CBLL1: variants seen among roughly 807,000 people sequenced by gnomAD.
The protein encoded by CBLL1 is Cbl proto-oncogene like 1, also known as E3 ubiquitin-protein ligase Hakai.
Under a neutral mutation model 44.9 loss-of-function variants are expected in CBLL1, and 4 were observed. The observed-to-expected ratio is 0.09, with a 90% confidence interval of 0.04 to 0.20. CBLL1 has a LOEUF of 0.20. CBLL1 is among the 10% of genes least tolerant of loss of function. The pLI is 1.00. For synonymous variants in CBLL1, 235 were observed against 202.2 expected (o/e 1.16, Z -1.38); for missense variants, 569 against 636.7 (o/e 0.89, Z 1.14).
Position 107,758,118 on chromosome 7 carries a change from CA to C in CBLL1, c.441-24del. ...TTTTTTGTATTCTCTTTTAGTAAATCACATTTCTTTCCCTTCTAATTTAGCT... is the reference window on the plus strand; with the variant it reads ...TTTTTTGTATTCTCTTTTAGTAAATCCATTTCTTTCCCTTCTAATTTAGCT... On this transcript the variant is annotated intron_variant, in intron 5 of 5. Transcript: ENST00000440859. The surrounding 1 kb of genome is among the most constrained non-coding windows in gnomAD (Gnocchi z 4.2). 6 of 1,532,110 alleles carry C rather than the reference CA, an allele frequency of 3.9e-6. No homozygotes were observed. Among genetic ancestry groups the C allele is most frequent in the Non-Finnish European group, 5.3e-6 (6 of 1,138,696 alleles). The allele number at this position is 1,532,110 out of a possible 1,614,324, so 94.9% of individuals were successfully genotyped here.
rs753466203 is a variant in CBLL1, at chr7:107,761,295, A to C, written c.*2117A>C. The C allele has an allele frequency of 1.3e-5, 2 of 152,184 alleles. No individual in the cohort carries two copies. The highest frequency in any genetic ancestry group is 2.9e-5 in the Non-Finnish European group (2 of 67,916). 9.4% of individuals were successfully genotyped at this position (152,184 alleles called of 1,614,324 possible). On this transcript the variant is annotated 3_prime_UTR_variant, in exon 6 of 6. Coordinates refer to ENST00000440859, the MANE Select transcript of CBLL1 (RefSeq NM_024814.4). ...GACGAGAAAATCAGTATCATGATAA[A>C]ATTTTGAATTAAGAGAACCCTTGTA...
In CBLL1 at chr7:107,755,467, A is replaced by T. The variant is rs751932273; in HGVS notation, c.416A>T (p.Lys139Ile). The T allele has an allele frequency of 1.8e-5, 28 of 1,588,752 alleles. No individual in the cohort carries two copies. The highest frequency in any genetic ancestry group is 2.4e-5 in the Non-Finnish European group (28 of 1,165,832). The change falls in exon 5 of 6, where the codon AAA becomes ATA. Residue 139 changes from lysine (K) to isoleucine (I), a missense_variant. Physicochemically the swap from Lys to Ile is moderately radical, Grantham distance 102 (BLOSUM62 -3). Coordinates refer to ENST00000440859, the MANE Select transcript of CBLL1 (RefSeq NM_024814.4). Reference sequence around the variant, plus strand: ...TATGACTGTGCTATTTTACATGAAAAAAAGGGAGATAAGATGTGTCCAGGG... The same window carrying T: ...TATGACTGTGCTATTTTACATGAAATAAAGGGAGATAAGATGTGTCCAGGG... ...FCYDCAILHE[K>I]KGDKMCPGCS...
At chr7:107,747,408 G>A (rs1167225785) in intron 1 of CBLL1, among the ~76,000 whole-genome samples, 2 of 152,138 alleles carry the variant, frequency 1.3e-5, no homozygotes, top group Non-Finnish European at 2.9e-5. Context: ...TGTCTACAAC[G>A]ACTTGCTTTT....
At chr7:107,747,489 C>A (rs1793073757) in intron 1 of CBLL1, among the ~76,000 whole-genome samples, 1 of 152,190 alleles carries the variant, frequency 6.6e-6, no homozygotes, top group African/African-American at 2.4e-5. Flanking sequence ...TTGGCCAATG[C>A]ATTGCTTGTA....
intron 2 of CBLL1, among the ~76,000 whole-genome samples, chr7:107,752,782 G>T (rs1288535400): frequency 1.3e-5 from 2 of 152,150 alleles, no homozygotes; most frequent in African/African-American, 4.8e-5. Context: ...TGCATTGTAG[G>T]AAAGGATACA....
In CBLL1 at chr7:107,761,642, A is replaced by T. The variant is rs1250580471; in HGVS notation, c.*2464A>T. ...TGAGGTGGCAGTTTAATTCTTAAAA[A>T]CAATAAAATGGAAGCATAAATACTA... is the stretch of plus-strand genomic sequence containing the variant. On this transcript the variant is annotated 3_prime_UTR_variant, in exon 6 of 6. Transcript: ENST00000440859. 1 of 152,164 alleles carries T rather than the reference A, an allele frequency of 6.6e-6. No homozygotes were observed. The highest frequency in any genetic ancestry group is 2.4e-5 in the African/African-American group (1 of 41,438). The allele number at this position is 152,164 out of a possible 1,614,324, so 9.4% of individuals were successfully genotyped here.
intron 2 of CBLL1, among the ~76,000 whole-genome samples, chr7:107,751,712 A>G (rs578149521): frequency 6.6e-6 from 1 of 152,332 alleles, no homozygotes; most frequent in African/African-American, 2.4e-5. Flanking sequence ...ACAATGCAGA[A>G]AAGCCAAAAT....
chr7:107,749,191 A>G, intron 2 of CBLL1, 144 bp downstream of exon 2: 2 of 607,382 alleles, frequency 3.3e-6, no homozygotes, highest in Non-Finnish European at 5.2e-6. Flanking sequence ...TCATTGTAGC[A>G]CATTGTATTT....
chr7:107,748,753 A>T (rs1322798605), intron 1 of CBLL1, 127 bp from the exon 2 acceptor site: 6 of 709,776 alleles, frequency 8.5e-6, no homozygotes, highest in Non-Finnish European at 1.4e-5. Context: ...AACTTAATGT[A>T]ATATTGAAAA....
Position 107,759,196 on chromosome 7 carries a change from G to A in CBLL1, c.*18G>A. The A allele has an allele frequency of 6.4e-7, 1 of 1,555,466 alleles. No individual in the cohort carries two copies. The highest frequency in any genetic ancestry group is 8.7e-7 in the Non-Finnish European group (1 of 1,151,812). ...ACCAATGATAATAGTATTTTGAATG[G>A]AAGATATGAGGGGGAAAAAAACTTA... On this transcript the variant is annotated 3_prime_UTR_variant, in exon 6 of 6. Transcript: ENST00000440859.
At chr7:107,753,837 G>T in intron 3 of CBLL1, 58 bp from the exon 4 acceptor site, 1 of 1,078,198 alleles carries the variant, frequency 9.3e-7, no homozygotes. Flanking sequence ...AATTCATTGT[G>T]TAGATACAAT....
At chr7:107,755,549 T>C (rs1308419271) in intron 5 of CBLL1, 58 bp downstream of exon 5, 1 of 984,700 alleles carries the variant, frequency 1.0e-6, no homozygotes, top group Non-Finnish European at 1.5e-6. Context: ...CAATGATTTA[T>C]AAGTTGGATT....
intron 2 of CBLL1, 88 bp downstream of exon 2, chr7:107,749,135 T>C: frequency 5.2e-6 from 6 of 1,144,600 alleles, no homozygotes; most frequent in Non-Finnish European, 7.4e-6. Context: ...CTACCTCTTT[T>C]TGTCTTACAT....
At chr7:107,751,623 A>C (rs1003037397) in intron 2 of CBLL1, among the ~76,000 whole-genome samples, 5 of 152,162 alleles carry the variant, frequency 3.3e-5, no homozygotes, top group Middle Eastern at 3.4e-3. Context: ...ATTTAGGGTC[A>C]CTCCTGCTTT....
At chr7:107,752,198 CAAAAA>C (rs796995157) in intron 2 of CBLL1, among the ~76,000 whole-genome samples, 1 of 56,242 alleles carries the variant, frequency 1.8e-5, no homozygotes, top group Admixed American at 2.0e-4. Context: ...GACTCTGTCT[CAAAAA>C]AAAAAAAAAA....
intron 1 of CBLL1, among the ~76,000 whole-genome samples, chr7:107,748,616 A>C (rs1235683125): frequency 6.6e-6 from 1 of 152,130 alleles, no homozygotes; most frequent in Admixed American, 6.5e-5. Flanking sequence ...TATATGAAAA[A>C]TTTTATTCAC....
intron 2 of CBLL1, among the ~76,000 whole-genome samples, chr7:107,752,094 G>A (rs1308830862): frequency 6.6e-6 from 1 of 151,648 alleles, no homozygotes; most frequent in Non-Finnish European, 1.5e-5. Flanking sequence ...AGCTACTCGG[G>A]AGGCCGAGGC....
chr7:107,754,948 G>A (rs950181894), intron 4 of CBLL1, among the ~76,000 whole-genome samples: 34 of 151,954 alleles, frequency 2.2e-4, no homozygotes, highest in African/African-American at 8.2e-4. Context: ...AATTTAGTGA[G>A]ACCCTGTCTG....
Position 107,758,023 on chromosome 7 carries a change from T to C in CBLL1, c.441-120T>C. ...GCGTAGAATAACTGTAACTTCTAAT[T>C]GTGGACTTTTGCTATGTTTTATGTA... On this transcript the variant is annotated intron_variant, in intron 5 of 5. Transcript: ENST00000440859. The surrounding 1 kb of genome is among the most constrained non-coding windows in gnomAD (Gnocchi z 4.2). 1 of 874,618 alleles carries C rather than the reference T, an allele frequency of 1.1e-6. No homozygotes were observed. The highest frequency in any genetic ancestry group is 2.7e-5 in the East Asian group (1 of 37,454). The allele number at this position is 874,618 out of a possible 1,614,324, so 54.2% of individuals were successfully genotyped here. A position where few individuals can be genotyped will look rare whatever the true frequency, so the allele number is the denominator to read the frequency against.
Sources: gnomAD v4.1 joint callset for allele counts (sites outside exome capture counted in the v4.1 genomes callset) on GRCh38, gnomAD v4.1.1 for gene constraint, Gnocchi (gnomAD v3.1) non-coding constraint, MANE v1.5 for transcripts, NCBI Gene and HGNC (gene_info 2026-07-23, HGNC 2026-07-21) for gene names.